Variants in MTHFD1L observed in about 807,000 individuals in gnomAD.
The protein encoded by MTHFD1L is monofunctional C1-tetrahydrofolate synthase, mitochondrial.
In MTHFD1L, 81 loss-of-function variants were observed where a neutral mutation model predicts 119.5. That is an observed-to-expected ratio of 0.68 (90% CI 0.57 to 0.82). MTHFD1L has a LOEUF of 0.82. Among genes scored for constraint, MTHFD1L ranks in the 40% least tolerant of loss-of-function variants. The probability of loss-of-function intolerance (pLI) is 0.00; values close to 1 mark genes in which losing one functional copy is unlikely to be tolerated. For missense variants in MTHFD1L, 1,125 were observed against 1,253.4 expected, an observed-to-expected ratio of 0.90 and a Z score of 1.55; for synonymous variants, 430 against 475.2, an observed-to-expected ratio of 0.90 and a Z score of 1.24.
intron 19 of MTHFD1L, among the ~76,000 whole-genome samples, chr6:150,968,664 C>A (rs1275173369): frequency 6.6e-6 from 1 of 151,328 alleles, no homozygotes; most frequent in Non-Finnish European, 1.5e-5. Flanking sequence ...CGCCTGCCAC[C>A]ACACCCGGCT....
intron 9 of MTHFD1L, among the ~76,000 whole-genome samples, chr6:150,920,662 C>T (rs557939791): frequency 2.0e-5 from 3 of 152,284 alleles, no homozygotes; most frequent in African/African-American, 4.8e-5. Flanking sequence ...GCTGATCATT[C>T]ACGCAGTCCT....
At chr6:150,912,711 T>A in intron 8 of MTHFD1L, 1 of 516,146 alleles carries the variant, frequency 1.9e-6, no homozygotes, top group Non-Finnish European at 4.0e-6. Flanking sequence ...TTTAAAGTGA[T>A]TCATTGACTT....
At chr6:151,040,886 C>T (rs559045605) in intron 26 of MTHFD1L, among the ~76,000 whole-genome samples, 2 of 152,336 alleles carry the variant, frequency 1.3e-5, no homozygotes, top group South Asian at 4.1e-4. Context: ...TGCCTGGACA[C>T]CAGGCTGTCC....
At chr6:151,079,802 T>A (rs572648597) in intron 26 of MTHFD1L, among the ~76,000 whole-genome samples, 5 of 151,438 alleles carry the variant, frequency 3.3e-5, no homozygotes, top group Admixed American at 6.6e-5. Context: ...GGAACAGTCA[T>A]GTTGCATAGT....
At position 150,936,818 on chromosome 6, in the gene MTHFD1L, C is replaced by T. The variant is rs866547313; in HGVS notation, c.1271C>T (p.Pro424Leu). 6.2e-7 allele frequency: 1 copy of T among 1,613,826 alleles called. No homozygotes were observed. Among genetic ancestry groups the T allele is most frequent in the East Asian group, 2.2e-5 (1 of 44,852 alleles). The change falls in exon 12 of 28, where the codon CCT (proline) becomes CTT (leucine). Residue 424 changes from proline to leucine, a missense_variant. Transcript: ENST00000367321. ...CCCGAACTCAGGATCACACCCACCC[C>T]TCTTGGAGAAGGGAAGAGCACAGTC... The part of the protein sequence containing the change: ...YVLVAGITPT[P>L]LGEGKSTVTI...
intron 12 of MTHFD1L, among the ~76,000 whole-genome samples, chr6:150,938,287 G>A (rs1019746177): frequency 3.9e-5 from 6 of 152,166 alleles, no homozygotes; most frequent in African/African-American, 1.4e-4. Flanking sequence ...CAAAGTGCTG[G>A]GTTTACAGGC....
chr6:150,946,892 G>A (rs967861347), intron 15 of MTHFD1L, among the ~76,000 whole-genome samples: 9 of 151,720 alleles, frequency 5.9e-5, no homozygotes, highest in African/African-American at 9.7e-5. Context: ...TGGCTAACAC[G>A]GTGAAACCCC....
chr6:150,879,634 T>G (rs1219255556), intron 4 of MTHFD1L, among the ~76,000 whole-genome samples: 1 of 147,938 alleles, frequency 6.8e-6, no homozygotes, highest in Non-Finnish European at 1.5e-5. Context: ...GTTTTTTTTT[T>G]TTTTTTTTTT....
intron 26 of MTHFD1L, among the ~76,000 whole-genome samples, chr6:151,082,849 C>T (rs193263875): frequency 6.1e-4 from 93 of 152,304 alleles, no homozygotes; most frequent in African/African-American, 2.1e-3. Context: ...GAAGGCTGAG[C>T]GAAGTAACTC....
At chr6:150,889,000 C>T (rs1782768770) in intron 7 of MTHFD1L, among the ~76,000 whole-genome samples, 1 of 152,036 alleles carries the variant, frequency 6.6e-6, no homozygotes, top group South Asian at 2.1e-4. Context: ...TATGGTGAAA[C>T]ACCGTCTCTA....
intron 7 of MTHFD1L, among the ~76,000 whole-genome samples, chr6:150,892,470 A>G (rs1342017138): frequency 2.0e-5 from 3 of 152,148 alleles, no homozygotes; most frequent in Non-Finnish European, 4.4e-5. Context: ...TCTCTTTCAT[A>G]GTTGATGTTG....
At chr6:151,099,066 C>G (rs1035164496) in intron 27 of MTHFD1L, among the ~76,000 whole-genome samples, 3 of 151,538 alleles carry the variant, frequency 2.0e-5, no homozygotes, top group African/African-American at 4.9e-5. Context: ...ATCCCAGCTA[C>G]TTGGGAAGCT....
chr6:151,012,016 C>CAAA (rs1562535406), intron 21 of MTHFD1L, among the ~76,000 whole-genome samples: 1 of 27,620 alleles, frequency 3.6e-5, no homozygotes, highest in African/African-American at 1.6e-4. Flanking sequence ...ACAACAACAA[C>CAAA]AACAAAAAAA....
chr6:150,938,816 C>A (rs1157643141), intron 13 of MTHFD1L, 71 bp downstream of exon 13: 15 of 1,503,106 alleles, frequency 1.0e-5, no homozygotes, highest in East Asian at 2.4e-5. Context: ...CTGCTCCCAT[C>A]CACACAGGCC....
At chr6:151,026,191 A>G (rs540855852) in intron 24 of MTHFD1L, among the ~76,000 whole-genome samples, 1 of 152,342 alleles carries the variant, frequency 6.6e-6, no homozygotes, top group South Asian at 2.1e-4. Flanking sequence ...TGAGTGACTC[A>G]GCTTCTAGGA....
intron 7 of MTHFD1L, among the ~76,000 whole-genome samples, chr6:150,905,036 C>CTT (rs36039459): frequency 0.098 from 10,894 of 111,626 alleles, 1,547 homozygotes; most frequent in African/African-American, 0.3. Flanking sequence ...TTGTTTTCCT[C>CTT]TTTTTTTTTT....
At chr6:150,866,297 TG>T in intron 1 of MTHFD1L, 1 of 1,473,908 alleles carries the variant, frequency 6.8e-7, no homozygotes, top group South Asian at 1.3e-5. Flanking sequence ...GCATCTCCAA[TG>T]GGCGCCTAGC....
chr6:150,866,450 G>GGGCTGCGGCTCGGCGCGCC, intron 1 of MTHFD1L: 2 of 1,324,838 alleles, frequency 1.5e-6, no homozygotes, highest in Non-Finnish European at 1.9e-6. Flanking sequence ...GAGGAGGGCG[G>GGGCTGCGGCTCGGCGCGCC]GGCTGCGGCT....
chr6:150,866,108 G>A (rs1002638931), intron 1 of MTHFD1L, 59 bp downstream of exon 1: 15 of 1,469,466 alleles, frequency 1.0e-5, no homozygotes, highest in Non-Finnish European at 1.2e-5. Flanking sequence ...CGACCCAGGG[G>A]CGGAGCGCCC....
Sources: gnomAD v4.1 joint callset for allele counts (sites outside exome capture counted in the v4.1 genomes callset) on GRCh38, gnomAD v4.1.1 for gene constraint, MANE v1.5 for transcripts, NCBI Gene and HGNC (gene_info 2026-07-23, HGNC 2026-07-21) for gene names.